Variants in GALNT13 observed in about 807,000 individuals in gnomAD.
GALNT13 encodes the protein polypeptide N-acetylgalactosaminyltransferase 13.
GALNT13 carries 28 observed loss-of-function variants against 64.2 expected under a neutral mutation model. The observed-to-expected ratio is 0.44, with a 90% confidence interval of 0.32 to 0.60. The LOEUF (loss-of-function observed/expected upper bound fraction) is 0.60, where lower values mean the gene tolerates loss of function less well. Ranked by LOEUF, GALNT13 falls within the 20% of genes least tolerant of loss-of-function variation. The pLI is 0.05. For synonymous variants in GALNT13, 214 were observed against 224.6 expected, an observed-to-expected ratio of 0.95 and a Z score of 0.42; for missense variants, 577 against 669.8, an observed-to-expected ratio of 0.86 and a Z score of 1.53.
chr2:154,285,281 A>T (rs1387348446), intron 8 of GALNT13, among the ~76,000 whole-genome samples: 2 of 152,136 alleles, frequency 1.3e-5, no homozygotes, highest in Non-Finnish European at 2.9e-5. Context: ...CCTAGCCAAG[A>T]TATCATTGCC....
At chr2:154,445,928 T>C (rs1374888243) in intron 12 of GALNT13, 1 of 602,290 alleles carries the variant, frequency 1.7e-6, no homozygotes, top group African/African-American at 1.9e-5. Context: ...GACAGATAAA[T>C]TAATTAATTA....
rs574108926 is a variant in GALNT13, at chr2:154,093,417, A to G, written c.143-46920A>G. Among the ~76,000 whole-genome samples the G allele has an allele frequency of 3.3e-5, 5 of 152,120 alleles. No individual in the cohort carries two copies. The East Asian group carries it at 9.7e-4, about 30-fold the overall frequency. ...AGCTAAGTACAGTTCAACAATATTT[A>G]TGTAGCATCTCTAATGTACCTGCAC... On this transcript the variant is annotated intron_variant, in intron 3 of 12. Coordinates refer to ENST00000392825, the MANE Select transcript of GALNT13 (RefSeq NM_052917.4).
chr2:153,906,643 C>T lies in GALNT13; in HGVS notation c.-105+5636C>T, dbSNP rs1389110051. Among the ~76,000 whole-genome samples the T allele has an allele frequency of 1.4e-4, 21 of 151,764 alleles. No homozygotes were observed. The East Asian group carries it at 2.5e-3, about 18-fold the overall frequency. Reference sequence around the variant, plus strand: ...GCCACATTTTCTTAATCCAGTCTATCGTTGTTGGACATTTGGGTTGGTTCC... The same window carrying T: ...GCCACATTTTCTTAATCCAGTCTATTGTTGTTGGACATTTGGGTTGGTTCC... On this transcript the variant is annotated intron_variant, in intron 2 of 12. Transcript: ENST00000392825.
intron 9 of GALNT13, among the ~76,000 whole-genome samples, chr2:154,314,957 A>G (rs373812245): frequency 1.3e-5 from 2 of 152,144 alleles, no homozygotes; most frequent in Admixed American, 6.6e-5. Flanking sequence ...TTTTAAATAT[A>G]ATTTGAGTTC....
In GALNT13 at chr2:153,896,847, A is replaced by G. The variant is rs183273274; in HGVS notation, c.-176-4089A>G. 5.0e-3 allele frequency among the ~76,000 whole-genome samples: 764 copies of G among 152,320 alleles called. 4 individuals carry two copies. The highest frequency in any genetic ancestry group is 0.01 in the Middle Eastern group (3 of 294). On this transcript the variant is annotated intron_variant, in intron 1 of 12. Coordinates refer to ENST00000392825, the MANE Select transcript of GALNT13 (RefSeq NM_052917.4). Reference sequence around the variant, plus strand: ...ATTCCTAAATATAAATGTCTAGATTAAAATAAAACCTTTTATTTTTATTTT... The same window carrying G: ...ATTCCTAAATATAAATGTCTAGATTGAAATAAAACCTTTTATTTTTATTTT...
At chr2:153,564,377 CAT>C in the GALNT13 span, among the ~76,000 whole-genome samples, 485 of 151,962 alleles carry the variant, frequency 3.2e-3, 1 homozygote, top group African/African-American at 0.011. Context: ...TTTTAAAAGA[CAT>C]AGAGGAGAAG....
At chr2:154,362,356 T>C (rs751658725) in intron 9 of GALNT13, among the ~76,000 whole-genome samples, 1 of 148,892 alleles carries the variant, frequency 6.7e-6, no homozygotes, top group Non-Finnish European at 1.5e-5. Context: ...TAAAATAGAG[T>C]AGGTTTTGAT....
chr2:153,471,950 G>A, the GALNT13 span, among the ~76,000 whole-genome samples: 2 of 152,172 alleles, frequency 1.3e-5, no homozygotes, highest in African/African-American at 4.8e-5. Flanking sequence ...TTTCTAGTCT[G>A]TAGTAGAATA....
intron 4 of GALNT13, among the ~76,000 whole-genome samples, chr2:154,181,124 C>G (rs1323388528): frequency 1.3e-5 from 2 of 152,056 alleles, no homozygotes; most frequent in African/African-American, 2.4e-5. Context: ...AACCAATTTC[C>G]CATTGATACC....
chr2:153,128,203 C>T, the GALNT13 span, among the ~76,000 whole-genome samples: 2 of 152,076 alleles, frequency 1.3e-5, no homozygotes, highest in African/African-American at 4.8e-5. Context: ...TTTCATGCTA[C>T]TGATAAAGAC....
the GALNT13 span, among the ~76,000 whole-genome samples, chr2:153,265,506 T>G: frequency 1.7e-3 from 259 of 152,300 alleles, 1 homozygote; most frequent in African/African-American, 5.7e-3. Flanking sequence ...CTCCTCTAAG[T>G]GCATAGATTC....
Position 154,140,441 on chromosome 2 carries a change from T to C in GALNT13, c.247T>C (p.Phe83Leu). The change falls in exon 4 of 13, where the codon TTT becomes CTT. Residue 83 changes from phenylalanine to leucine, a missense_variant. Physicochemically the swap from Phe to Leu is conservative, Grantham distance 22 (BLOSUM62 0). This residue lies in a region of GALNT13 where 341 missense variants were observed against 379.3 expected (regional missense o/e 0.90). Transcript: ENST00000392825. ...KMKELFKINQ[F>L]NLMASDLIAL... ...GAAAGAGCTGTTTAAAATCAATCAGTTTAACCTTATGGCCAGTGATTTGAT... is the reference window on the plus strand; with the variant it reads ...GAAAGAGCTGTTTAAAATCAATCAGCTTAACCTTATGGCCAGTGATTTGAT... 2 of 1,612,886 alleles carry C rather than the reference T, an allele frequency of 1.2e-6. No homozygotes were observed. The highest frequency in any genetic ancestry group is 4.5e-5 in the East Asian group (2 of 44,774).
chr2:154,212,990 C>T (rs1687860579), intron 4 of GALNT13, among the ~76,000 whole-genome samples: 1 of 151,978 alleles, frequency 6.6e-6, no homozygotes, highest in Non-Finnish European at 1.5e-5. Flanking sequence ...AATCAAAGGA[C>T]TGAGTTAGTG....
rs189922363 is a variant in GALNT13 at position 154,207,432 on chromosome 2, G to C, written c.312-34598G>C. ...ATTACCCAACAAGACTGCTTGTTCTGTAAGGCAGAGATCTTGCCTTATTCT... is the reference window on the plus strand; with the variant it reads ...ATTACCCAACAAGACTGCTTGTTCTCTAAGGCAGAGATCTTGCCTTATTCT... On this transcript the variant is annotated intron_variant, in intron 4 of 12. Coordinates refer to ENST00000392825, the MANE Select transcript of GALNT13 (RefSeq NM_052917.4). Among the ~76,000 whole-genome samples the C allele has an allele frequency of 2.3e-3, 345 of 152,086 alleles. 2 individuals carry two copies. Among genetic ancestry groups the C allele is most frequent in the African/African-American group, 7.9e-3 (328 of 41,484 alleles).
chr2:153,431,752 C>G, the GALNT13 span, among the ~76,000 whole-genome samples: 3 of 152,172 alleles, frequency 2.0e-5, 1 homozygote, highest in Non-Finnish European at 4.4e-5. Context: ...AAAGGGATCA[C>G]CCATTTCTTT....
the GALNT13 span, among the ~76,000 whole-genome samples, chr2:153,555,603 C>G: frequency 6.6e-6 from 1 of 152,188 alleles, no homozygotes; most frequent in Non-Finnish European, 1.5e-5. Flanking sequence ...ATTCTCACTA[C>G]TATCTTGTGA....
In GALNT13 at chr2:154,385,668, G is replaced by A. The variant is rs78295769; in HGVS notation, c.1157-10323G>A. 7.7e-3 allele frequency among the ~76,000 whole-genome samples: 1,170 copies of A among 151,960 alleles called. 15 individuals are homozygous for A. The highest frequency in any genetic ancestry group is 0.045 in the South Asian group (216 of 4,804). ...ATCCAAAAGTGCTTACTATGTAGTC[G>A]GGAACATGAAGTCCCTTAAGTAATA... On this transcript the variant is annotated intron_variant, in intron 9 of 12. Coordinates refer to ENST00000392825, the MANE Select transcript of GALNT13 (RefSeq NM_052917.4).
rs1002350911 is a variant in GALNT13, at chr2:153,872,464, G to A, written c.-177+161G>A. Among the ~76,000 whole-genome samples the A allele has an allele frequency of 7.9e-5, 12 of 152,170 alleles. No individual in the cohort carries two copies. In the South Asian group the frequency reaches 1.2e-3, roughly 16 times the overall value. ...GGCCGGTCCCAGGGCAAAGGCAGGGGCGCGGGCGGACCTGGCGACGCGGCC... is the reference window on the plus strand; with the variant it reads ...GGCCGGTCCCAGGGCAAAGGCAGGGACGCGGGCGGACCTGGCGACGCGGCC... On this transcript the variant is annotated intron_variant, in intron 1 of 12. Coordinates refer to ENST00000392825, the MANE Select transcript of GALNT13 (RefSeq NM_052917.4).
rs535209278 is a variant in GALNT13 at position 154,415,666 on chromosome 2, G to A, written c.1395+6584G>A. Among the ~76,000 whole-genome samples, 8 of 152,196 alleles carry A rather than the reference G, an allele frequency of 5.3e-5. No homozygotes were observed. The East Asian group carries it at 1.5e-3, about 29-fold the overall frequency. On this transcript the variant is annotated intron_variant, in intron 11 of 12. Coordinates refer to ENST00000392825, the MANE Select transcript of GALNT13 (RefSeq NM_052917.4). ...TTAAATTGAATCTAATCTTATGACAGGTGTATTAAAAATTTAGAGAGTAAA... is the reference window on the plus strand; with the variant it reads ...TTAAATTGAATCTAATCTTATGACAAGTGTATTAAAAATTTAGAGAGTAAA...
Sources: gnomAD v4.1 joint callset for allele counts (sites outside exome capture counted in the v4.1 genomes callset) on GRCh38, gnomAD v4.1.1 for gene constraint, gnomAD v4.1.1 regional missense constraint, MANE v1.5 for transcripts, NCBI Gene and HGNC (gene_info 2026-07-23, HGNC 2026-07-21) for gene names.